Variants in DNM3 observed in about 807,000 individuals in gnomAD.
DNM3 encodes the protein dynamin 3, also known as dynamin-3.
Under a neutral mutation model 101.6 loss-of-function variants are expected in DNM3, and 47 were observed. The ratio of observed to expected loss-of-function variants is 0.46; its 90% CI spans 0.37 to 0.59. The LOEUF (loss-of-function observed/expected upper bound fraction) is 0.59. Ranked by LOEUF, DNM3 falls within the 20% of genes least tolerant of loss-of-function variation. The pLI is 0.00. For synonymous variants in DNM3, 385 were observed against 387.9 expected (o/e 0.99, Z 0.09); for missense variants, 849 against 1,085.7 (o/e 0.78, Z 3.06).
At chr1:172,088,400 A>G (rs2053678590) in intron 12 of DNM3, among the ~76,000 whole-genome samples, 1 of 152,080 alleles carries the variant, frequency 6.6e-6, no homozygotes, top group Admixed American at 6.6e-5. Context: ...AGTCAATACT[A>G]TGCATTTCAG....
intron 4 of DNM3, among the ~76,000 whole-genome samples, chr1:172,003,711 AG>A (rs1393749730): frequency 6.6e-6 from 1 of 151,842 alleles, no homozygotes; most frequent in Non-Finnish European, 1.5e-5. Context: ...AGATATCTGG[AG>A]AGGTATTTGA....
intron 15 of DNM3, among the ~76,000 whole-genome samples, chr1:172,266,936 A>T (rs2062882428): frequency 6.6e-6 from 1 of 152,206 alleles, no homozygotes; most frequent in African/African-American, 2.4e-5. Context: ...TCAGAAAAAA[A>T]ATCCCACTAG....
At chr1:171,978,644 G>T (rs988996806) in intron 2 of DNM3, among the ~76,000 whole-genome samples, 3 of 152,188 alleles carry the variant, frequency 2.0e-5, no homozygotes, top group African/African-American at 7.2e-5. Flanking sequence ...AGCATGATGT[G>T]ATGTATGTTT....
intron 14 of DNM3, among the ~76,000 whole-genome samples, chr1:172,186,482 A>G (rs2059530657): frequency 6.6e-6 from 1 of 152,016 alleles, no homozygotes; most frequent in Non-Finnish European, 1.5e-5. Context: ...AAGAGATATA[A>G]TATAAAAGGG....
At chr1:172,221,678 G>A (rs1179063960) in intron 14 of DNM3, among the ~76,000 whole-genome samples, 2 of 151,980 alleles carry the variant, frequency 1.3e-5, no homozygotes, top group East Asian at 3.9e-4. Context: ...GCTTCACTGT[G>A]TGGTCATCTC....
chr1:172,304,206 C>CAAAA lies in DNM3; in HGVS notation c.1770-4509_1770-4506dup, dbSNP rs575733774. Among the ~76,000 whole-genome samples the CAAAA allele has an allele frequency of 7.7e-4, 28 of 36,390 alleles. 4 individuals carry two copies. The highest frequency in any genetic ancestry group is 4.1e-3 in the African/African-American group (20 of 4,840). The allele number at this position is 36,390 out of a possible 152,430, so 23.9% of individuals were successfully genotyped here. On this transcript the variant is annotated intron_variant, in intron 15 of 20. Transcript: ENST00000627582. Reference sequence around the variant, plus strand: ...GAATATCTACCATGCAAAAGGAAAGCAAAAAAAAAAAAAAAACAGGAGTTG... The same window carrying CAAAA: ...GAATATCTACCATGCAAAAGGAAAGCAAAAAAAAAAAAAAAAAAAACAGGAGTTG...
At chr1:172,001,602 A>G (rs1361378062) in intron 4 of DNM3, among the ~76,000 whole-genome samples, 1 of 151,946 alleles carries the variant, frequency 6.6e-6, no homozygotes, top group Non-Finnish European at 1.5e-5. Flanking sequence ...ACGGTGATTT[A>G]TTTCACAGCA....
chr1:172,113,620 C>CA (rs34129992), intron 13 of DNM3, among the ~76,000 whole-genome samples: 13,100 of 51,836 alleles, frequency 0.25, 1,766 homozygotes, highest in East Asian at 0.5. Context: ...AACTCTGTCT[C>CA]AAAAAAAAAA....
intron 1 of DNM3, among the ~76,000 whole-genome samples, chr1:171,865,412 A>G (rs2034622136): frequency 6.7e-6 from 1 of 149,268 alleles, no homozygotes; most frequent in Admixed American, 6.7e-5. Context: ...AGTGCTTGAG[A>G]GGCTGAGACT....
chr1:171,993,304 G>A (rs761078253), intron 4 of DNM3, among the ~76,000 whole-genome samples: 5 of 151,736 alleles, frequency 3.3e-5, no homozygotes, highest in Non-Finnish European at 7.4e-5. Flanking sequence ...GATTCTCTTG[G>A]TTTTTGTTTA....
chr1:172,028,595 C>T (rs371131617), intron 4 of DNM3, among the ~76,000 whole-genome samples: 33 of 152,042 alleles, frequency 2.2e-4, no homozygotes, highest in African/African-American at 3.9e-4. Context: ...GATAGAAACA[C>T]GAAAACCCCT....
intron 2 of DNM3, among the ~76,000 whole-genome samples, chr1:171,930,116 G>A (rs768196376): frequency 1.3e-4 from 20 of 151,568 alleles, no homozygotes; most frequent in Admixed American, 6.6e-4. Flanking sequence ...ACCTGGCCAC[G>A]TTTTTGTAGA....
chr1:172,053,704 A>G (rs535931055), intron 10 of DNM3, among the ~76,000 whole-genome samples: 20 of 152,314 alleles, frequency 1.3e-4, no homozygotes, highest in Admixed American at 3.9e-4. Context: ...TATTTTAGCC[A>G]TTCCTTTTAA....
intron 2 of DNM3, among the ~76,000 whole-genome samples, chr1:171,975,559 G>A (rs765655387): frequency 5.3e-5 from 8 of 152,152 alleles, no homozygotes; most frequent in South Asian, 4.1e-4. Flanking sequence ...AGTTTAATAC[G>A]TTTATCAGAG....
intron 2 of DNM3, among the ~76,000 whole-genome samples, chr1:171,926,278 G>A (rs183429291): frequency 1.8e-4 from 27 of 152,272 alleles, no homozygotes; most frequent in African/African-American, 6.3e-4. Flanking sequence ...GATAGGAATT[G>A]CATAGAATCT....
At chr1:172,302,039 A>C (rs1416521827) in intron 15 of DNM3, among the ~76,000 whole-genome samples, 1 of 152,192 alleles carries the variant, frequency 6.6e-6, no homozygotes, top group East Asian at 1.9e-4. Flanking sequence ...TTGGACAGTG[A>C]GTGCAGCCCA....
At chr1:171,876,737 C>A (rs917363222) in intron 1 of DNM3, among the ~76,000 whole-genome samples, 1 of 152,164 alleles carries the variant, frequency 6.6e-6, no homozygotes, top group African/African-American at 2.4e-5. Context: ...TTGTGTGTCA[C>A]AATTACTACT....
At chr1:171,993,730 G>C (rs1192853272) in intron 4 of DNM3, among the ~76,000 whole-genome samples, 1 of 151,614 alleles carries the variant, frequency 6.6e-6, no homozygotes, top group Non-Finnish European at 1.5e-5. Flanking sequence ...ATGTATGTTG[G>C]TAAGATGTTT....
At chr1:171,893,264 A>C (rs183805452) in intron 1 of DNM3, among the ~76,000 whole-genome samples, 1 of 152,100 alleles carries the variant, frequency 6.6e-6, no homozygotes, top group Non-Finnish European at 1.5e-5. Flanking sequence ...TTGTGCTGTA[A>C]AGTTTCATAG....
Sources: allele counts gnomAD v4.1 joint callset (sites outside exome capture counted in the v4.1 genomes callset), GRCh38; gene constraint gnomAD v4.1.1; transcripts MANE v1.5; gene names NCBI Gene and HGNC (gene_info 2026-07-23, HGNC 2026-07-21).